Variants in PTPRR observed in about 807,000 individuals in gnomAD.
PTPRR encodes the protein receptor-type tyrosine-protein phosphatase R.
PTPRR carries 38 observed loss-of-function variants against 77.2 expected under a neutral mutation model. That is an observed-to-expected ratio of 0.49 (90% CI 0.38 to 0.65). PTPRR has a LOEUF of 0.65. Ranked by LOEUF, PTPRR falls within the 30% of genes least tolerant of loss-of-function variation. PTPRR has a pLI of 0.00. For missense variants in PTPRR, 744 were observed against 799.2 expected (o/e 0.93, Z 0.83); for synonymous variants, 299 against 283.1 (o/e 1.06, Z -0.57).
intron 1 of PTPRR, among the ~76,000 whole-genome samples, chr12:70,897,997 T>G (rs1893462059): frequency 9.5e-6 from 1 of 105,400 alleles, no homozygotes; most frequent in Non-Finnish European, 1.8e-5. Flanking sequence ...CACCAGAGAC[T>G]GTTGTGGGGT....
intron 6 of PTPRR, among the ~76,000 whole-genome samples, chr12:70,724,089 C>G (rs1414444379): frequency 6.6e-6 from 1 of 152,054 alleles, no homozygotes; most frequent in Non-Finnish European, 1.5e-5. Flanking sequence ...AAAAAATGAC[C>G]ATTTTGGTTA....
intron 2 of PTPRR, among the ~76,000 whole-genome samples, chr12:70,828,994 A>G (rs541456590): frequency 5.3e-5 from 8 of 152,290 alleles, no homozygotes; most frequent in Non-Finnish European, 7.3e-5. Flanking sequence ...TGCTTCTTTC[A>G]TATTTTCAAG....
rs570753022 is a variant in PTPRR at position 70,881,504 on chromosome 12, T to C, written c.357+11175A>G. 2.6e-5 allele frequency among the ~76,000 whole-genome samples: 4 copies of C among 152,290 alleles called. No homozygotes were observed. In the East Asian group the frequency reaches 7.7e-4, roughly 29 times the overall value. ...TGGCCTATCCCCTCAAAAATGGGCC[T>C]TTTTATTGGAAGTTATTTGCTGCTA... On this transcript the variant is annotated intron_variant, in intron 2 of 13. Transcript: ENST00000283228.
intron 13 of PTPRR, among the ~76,000 whole-genome samples, chr12:70,645,163 C>G (rs1886150626): frequency 6.6e-6 from 1 of 152,154 alleles, no homozygotes; most frequent in Admixed American, 6.5e-5. Context: ...CCAATCCCAG[C>G]TTTGACCAGG....
chr12:70,846,150 G>A (rs1011057509), intron 2 of PTPRR, among the ~76,000 whole-genome samples: 1 of 152,186 alleles, frequency 6.6e-6, no homozygotes, highest in African/African-American at 2.4e-5. Context: ...AAACAAATTA[G>A]TTGGCTTGAA....
chr12:70,890,499 G>T (rs74967322), intron 2 of PTPRR, among the ~76,000 whole-genome samples: 4,430 of 152,040 alleles, frequency 0.029, 110 homozygotes, highest in Non-Finnish European at 0.047. Flanking sequence ...AAACAAGAAA[G>T]AAAAAAGTAT....
intron 2 of PTPRR, among the ~76,000 whole-genome samples, chr12:70,811,878 G>C (rs939589569): frequency 6.6e-6 from 1 of 152,166 alleles, no homozygotes; most frequent in Non-Finnish European, 1.5e-5. Flanking sequence ...TTCTTGTACA[G>C]ACTTTGCCTG....
intron 13 of PTPRR, among the ~76,000 whole-genome samples, chr12:70,652,682 G>A (rs1886439449): frequency 6.6e-6 from 1 of 152,142 alleles, no homozygotes; most frequent in African/African-American, 2.4e-5. Flanking sequence ...AAGACCTCTG[G>A]GAAGACCTTG....
intron 2 of PTPRR, among the ~76,000 whole-genome samples, chr12:70,866,783 A>G (rs1264101055): frequency 6.6e-6 from 1 of 152,218 alleles, no homozygotes; most frequent in Non-Finnish European, 1.5e-5. Context: ...AAAATCCTCA[A>G]TAAAATACTG....
intron 2 of PTPRR, among the ~76,000 whole-genome samples, chr12:70,772,203 C>G (rs1366313724): frequency 1.3e-5 from 2 of 152,060 alleles, no homozygotes; most frequent in Non-Finnish European, 2.9e-5. Flanking sequence ...ACTTAATTCA[C>G]TAATTTGAAC....
intron 2 of PTPRR, among the ~76,000 whole-genome samples, chr12:70,779,137 C>A (rs1891149879): frequency 6.6e-6 from 1 of 152,158 alleles, no homozygotes; most frequent in Non-Finnish European, 1.5e-5. Context: ...CGTGAGCCAC[C>A]CTGCCCAACC....
chr12:70,881,397 A>G (rs941250074), intron 2 of PTPRR, among the ~76,000 whole-genome samples: 5 of 152,150 alleles, frequency 3.3e-5, no homozygotes, highest in African/African-American at 1.2e-4. Context: ...TCACCTGGCT[A>G]TCATTTTCAG....
chr12:70,892,431 T>C (rs1893353522), intron 2 of PTPRR, among the ~76,000 whole-genome samples: 1 of 151,764 alleles, frequency 6.6e-6, no homozygotes, highest in South Asian at 2.1e-4. Flanking sequence ...AAATATTTAT[T>C]AAGCATCTAC....
intron 6 of PTPRR, among the ~76,000 whole-genome samples, chr12:70,712,270 C>T (rs970196556): frequency 2.0e-5 from 3 of 151,862 alleles, no homozygotes; most frequent in African/African-American, 4.8e-5. Context: ...ATTTGATCAC[C>T]GTGATCAGAT....
At chr12:70,761,011 A>G (rs1188123823) in intron 4 of PTPRR, among the ~76,000 whole-genome samples, 1 of 152,200 alleles carries the variant, frequency 6.6e-6, no homozygotes, top group East Asian at 1.9e-4. Context: ...AAAAAGAAAA[A>G]TCACATTTCA....
chr12:70,864,686 T>C (rs1006938539), intron 2 of PTPRR, among the ~76,000 whole-genome samples: 7 of 152,204 alleles, frequency 4.6e-5, no homozygotes, highest in African/African-American at 1.2e-4. Flanking sequence ...TCATCTTGAA[T>C]TGTAGCTCCC....
intron 2 of PTPRR, among the ~76,000 whole-genome samples, chr12:70,782,973 G>T (rs1405052880): frequency 6.6e-6 from 1 of 152,158 alleles, no homozygotes; most frequent in Non-Finnish European, 1.5e-5. Flanking sequence ...ATGAGGCTCA[G>T]TTTCTTCACC....
At chr12:70,867,525 T>C (rs1399172899) in intron 2 of PTPRR, among the ~76,000 whole-genome samples, 8 of 151,402 alleles carry the variant, frequency 5.3e-5, no homozygotes, top group Non-Finnish European at 7.4e-5. Context: ...CACTGCTCAA[T>C]GAAATAAAAG....
At chr12:70,876,553 C>T (rs1175056599) in intron 2 of PTPRR, among the ~76,000 whole-genome samples, 1 of 151,972 alleles carries the variant, frequency 6.6e-6, no homozygotes, top group Non-Finnish European at 1.5e-5. Context: ...GTAAGTATGA[C>T]CCAATTTTCA....
Sources: allele counts gnomAD v4.1 joint callset (sites outside exome capture counted in the v4.1 genomes callset), GRCh38; gene constraint gnomAD v4.1.1; transcripts MANE v1.5; gene names NCBI Gene and HGNC (gene_info 2026-07-23, HGNC 2026-07-21).